Variants in F2RL2 observed in about 807,000 individuals in gnomAD.
F2RL2 encodes proteinase-activated receptor 3.
Under a neutral mutation model 4.3 loss-of-function variants are expected in F2RL2, and 4 were observed. The ratio of observed to expected loss-of-function variants is 0.93; its 90% CI spans 0.46 to 2.12. The LOEUF (loss-of-function observed/expected upper bound fraction) is 2.12, where lower values mean the gene tolerates loss of function less well. Ranked by LOEUF, F2RL2 falls within the 30% of genes most tolerant of loss-of-function variation. F2RL2 has a pLI of 0.02. For missense variants in F2RL2, 408 were observed against 449.3 expected, an observed-to-expected ratio of 0.91 and a Z score of 0.83; for synonymous variants, 166 against 170.9, an observed-to-expected ratio of 0.97 and a Z score of 0.22.
rs768705898 is a variant in F2RL2 at position 76,617,736 on chromosome 5, T to C, written c.971A>G (p.His324Arg). ...GTTGTTGTAGTAGTAGTTAGCATGG[T>C]GAATAATAAGAATAATATTGCTTGG... is the stretch of plus-strand genomic sequence containing the variant. Reference protein sequence around the residue: ...FAPSNIILIIHHANYYYNNTD... With the variant: ...FAPSNIILIIRHANYYYNNTD... The change falls in exon 2 of 2, where the codon CAC becomes CGC. Residue 324 changes from histidine (H) to arginine (R), a missense_variant. By Grantham distance (29) the His-to-Arg change is conservative. Transcript: ENST00000296641. 9 of 1,613,942 alleles carry C rather than the reference T, an allele frequency of 5.6e-6. No individual in the cohort carries two copies. Among genetic ancestry groups the C allele is most frequent in the Admixed American group, 1.7e-5 (1 of 60,012 alleles).
At position 76,616,843 on chromosome 5, in the gene F2RL2, A is replaced by G. The variant is rs1749021359; in HGVS notation, c.*739T>C. 1 of 152,164 alleles carries G rather than the reference A, an allele frequency of 6.6e-6. No individual in the cohort carries two copies. The highest frequency in any genetic ancestry group is 6.6e-5 in the Admixed American group (1 of 15,266). 9.4% of individuals were successfully genotyped at this position (152,164 alleles called of 1,614,324 possible). A position where few individuals can be genotyped will look rare whatever the true frequency, so the allele number is the denominator to read the frequency against. On this transcript the variant is annotated 3_prime_UTR_variant, in exon 2 of 2. Transcript: ENST00000296641. ...CACTTCAGCCAGGTGACGAAGCGAG[A>G]CACTGTCTCTATTAAAAAAAGGAAA...
intron 1 of F2RL2, 129 bp from the exon 2 acceptor site, chr5:76,618,771 A>G (rs1749287780): frequency 2.4e-6 from 2 of 820,220 alleles, no homozygotes; most frequent in Non-Finnish European, 3.7e-6. Context: ...GTTATTGTAG[A>G]TTAGGCAGTC....
At chr5:76,619,618 G>A (rs973908811) in intron 1 of F2RL2, among the ~76,000 whole-genome samples, 3 of 147,148 alleles carry the variant, frequency 2.0e-5, no homozygotes, top group South Asian at 2.2e-4. Context: ...CCGGGTTCAC[G>A]CCATTCTCCT....
In F2RL2 at chr5:76,618,595, T is replaced by TA. The variant is rs1451393857; in HGVS notation, c.111dup (p.Lys38Ter). 2 of 1,613,972 alleles carry TA rather than the reference T, an allele frequency of 1.2e-6. No homozygotes were observed. Among genetic ancestry groups the TA allele is most frequent in the Non-Finnish European group, 1.7e-6 (2 of 1,180,004 alleles). Reference sequence around the variant, plus strand: ...TTTGGGGGAGCTCCACGAAAGGTCTTAATGGGTAAGGTTGGCTTTGCCAAG... The same window carrying TA: ...TTTGGGGGAGCTCCACGAAAGGTCTTAAATGGGTAAGGTTGGCTTTGCCAAG... On this transcript the variant is annotated frameshift_variant, in exon 2 of 2. Transcript: ENST00000296641. LOFTEE classifies it low-confidence loss of function (END_TRUNC).
chr5:76,619,340 G>A (rs1490082303), intron 1 of F2RL2, among the ~76,000 whole-genome samples: 2 of 152,102 alleles, frequency 1.3e-5, no homozygotes, highest in African/African-American at 2.4e-5. Flanking sequence ...GAAATCATAT[G>A]TCTATTCACA....
In F2RL2 at chr5:76,617,960, G is replaced by A. The variant is rs1176256850; in HGVS notation, c.747C>T (p.His249=). ...AGGGAGATGAGGACTCGCAAGTGTT[G>A]TGAACATCATGGCAGGTGGTGATGT... ...QPDITTCHDV[H]NTCESSSPFQ... The change falls in exon 2 of 2, where the codon CAC becomes CAT. Residue 249 remains histidine, a synonymous_variant. Transcript: ENST00000296641. 3 of 1,614,038 alleles carry A rather than the reference G, an allele frequency of 1.9e-6. No individual in the cohort carries two copies. Among genetic ancestry groups the A allele is most frequent in the South Asian group, 1.1e-5 (1 of 91,088 alleles).
At position 76,623,341 on chromosome 5, in the gene F2RL2, G is replaced by A; in HGVS notation, c.-111C>T. 1 of 1,333,086 alleles carries A rather than the reference G, an allele frequency of 7.5e-7. No individual in the cohort carries two copies. The allele number at this position is 1,333,086 out of a possible 1,614,324, so 82.6% of individuals were successfully genotyped here. ...AGCAAATGGAAGCCTTGGTCTGTCTGTAGAAGTTTGCTCTCCTGTGCCGTG... is the reference window on the plus strand; with the variant it reads ...AGCAAATGGAAGCCTTGGTCTGTCTATAGAAGTTTGCTCTCCTGTGCCGTG... On this transcript the variant is annotated 5_prime_UTR_variant, in exon 1 of 2. Transcript: ENST00000296641.
At position 76,617,915 on chromosome 5, in the gene F2RL2, G is replaced by C. The variant is rs781237647; in HGVS notation, c.792C>G (p.Ile264Met). ...TTAAGAATCCAAAGAATGCCAAGGA[G>C]ATGAAGTAATAGAGTTGGAAGGGAG... is the stretch of plus-strand genomic sequence containing the variant. Reference protein sequence around the residue: ...SSSPFQLYYFISLAFFGFLIP... With the variant: ...SSSPFQLYYFMSLAFFGFLIP... The change falls in exon 2 of 2, where the codon ATC (isoleucine) becomes ATG (methionine). Residue 264 changes from isoleucine to methionine, a missense_variant. Ile to Met is a conservative substitution (Grantham distance 10). Transcript: ENST00000296641. 25 of 1,614,030 alleles carry C rather than the reference G, an allele frequency of 1.5e-5. 1 individual carries two copies. The highest frequency in any genetic ancestry group is 1.0e-4 in the Admixed American group (6 of 60,000).
intron 1 of F2RL2, among the ~76,000 whole-genome samples, chr5:76,621,471 T>C (rs1749664089): frequency 6.6e-6 from 1 of 152,234 alleles, no homozygotes. Context: ...AGTTCTTGCA[T>C]CTGACATCAC....
chr5:76,620,477 G>C (rs1749539221), intron 1 of F2RL2, among the ~76,000 whole-genome samples: 1 of 152,172 alleles, frequency 6.6e-6, no homozygotes, highest in South Asian at 2.1e-4. Flanking sequence ...GTTGGAGGGA[G>C]ACAAGGAGAC....
chr5:76,617,834 T>G lies in F2RL2; in HGVS notation c.873A>C (p.Ala291=). 1 of 1,613,966 alleles carries G rather than the reference T, an allele frequency of 6.2e-7. No homozygotes were observed. Among genetic ancestry groups the G allele is most frequent in the Non-Finnish European group, 8.5e-7 (1 of 1,179,934 alleles). The part of the protein sequence containing the change: ...CYAAIIRTLN[A]YDHRWLWYVK... ...CATACCACAACCATCTATGATCGTA[T>G]GCATTAAGTGTCCGGATGATGGCTG... The change falls in exon 2 of 2, where the codon GCA becomes GCC. Residue 291 remains alanine, a synonymous_variant. Transcript: ENST00000296641.
At chr5:76,621,606 A>C (rs1333652614) in intron 1 of F2RL2, among the ~76,000 whole-genome samples, 1 of 152,206 alleles carries the variant, frequency 6.6e-6, no homozygotes, top group East Asian at 1.9e-4. Flanking sequence ...GTTTTCAGAA[A>C]GTTTCTGGGA....
chr5:76,619,421 G>A (rs1167199798), intron 1 of F2RL2, among the ~76,000 whole-genome samples: 1 of 151,616 alleles, frequency 6.6e-6, no homozygotes, highest in Non-Finnish European at 1.5e-5. Context: ...GTAGCCCCCC[G>A]CAAAGATTCT....
chr5:76,618,022 A>C lies in F2RL2; in HGVS notation c.685T>G (p.Phe229Val). Residue 229 changes from phenylalanine (F) to valine (V), a missense_variant, in exon 2 of 2, where the codon TTC (phenylalanine) becomes GTC (valine). Coordinates refer to ENST00000296641, the MANE Select transcript of F2RL2 (RefSeq NM_004101.4). ...AGATAATATTCCTGCTTCAGTATGA[A>C]AAATGGCAGCATATATAAGAAAACT... ...ATVFLYMLPF[F>V]ILKQEYYLVQ... 1 of 1,614,210 alleles carries C rather than the reference A, an allele frequency of 6.2e-7. No homozygotes were observed. The highest frequency in any genetic ancestry group is 8.5e-7 in the Non-Finnish European group (1 of 1,180,046).
rs1367282417 is a variant in F2RL2 at position 76,616,055 on chromosome 5, A to G, written c.*1527T>C. On this transcript the variant is annotated 3_prime_UTR_variant, in exon 2 of 2. Coordinates refer to ENST00000296641, the MANE Select transcript of F2RL2 (RefSeq NM_004101.4). ...GGTGCCACAAAGACTTGGGCCTGGC[A>G]TCACCCAGAAGCTCAAGGAAGGCAG... 3 of 152,672 alleles carry G rather than the reference A, an allele frequency of 2.0e-5. No homozygotes were observed. The highest frequency in any genetic ancestry group is 1.9e-4 in the East Asian group (1 of 5,200). 9.5% of individuals were successfully genotyped at this position (152,672 alleles called of 1,614,324 possible).
chr5:76,622,338 C>T (rs1749780451), intron 1 of F2RL2, among the ~76,000 whole-genome samples: 1 of 152,190 alleles, frequency 6.6e-6, no homozygotes, highest in African/African-American at 2.4e-5. Context: ...CTAATCACCA[C>T]AGATTCTCTT....
chr5:76,621,998 C>G (rs1210563393), intron 1 of F2RL2, among the ~76,000 whole-genome samples: 6 of 152,094 alleles, frequency 3.9e-5, no homozygotes, highest in Non-Finnish European at 7.3e-5. Flanking sequence ...TTTCCATTTA[C>G]CTCTAGAGAC....
rs541873066 is a variant in F2RL2, at chr5:76,615,510, G to A, written c.*2072C>T. 1 of 152,114 alleles carries A rather than the reference G, an allele frequency of 6.6e-6. No individual in the cohort carries two copies. Among genetic ancestry groups the A allele is most frequent in the Non-Finnish European group, 1.5e-5 (1 of 68,014 alleles). 9.4% of individuals were successfully genotyped at this position (152,114 alleles called of 1,614,324 possible). A position where few individuals can be genotyped will look rare whatever the true frequency, so the allele number is the denominator to read the frequency against. ...ATTTAAAATTGTTTTTTATTGTTTT[G>A]TTGGGCAGTATGAAATATACAGTCA... On this transcript the variant is annotated 3_prime_UTR_variant, in exon 2 of 2. Transcript: ENST00000296641.
At position 76,617,446 on chromosome 5, in the gene F2RL2, A is replaced by C. The variant is rs1749089285; in HGVS notation, c.*136T>G. 1.5e-6 allele frequency: 1 copy of C among 663,804 alleles called. No homozygotes were observed. Among genetic ancestry groups the C allele is most frequent in the African/African-American group, 1.8e-5 (1 of 55,136 alleles). 41.1% of individuals were successfully genotyped at this position (663,804 alleles called of 1,614,324 possible). ...CTCAAAAACAAACAAACAAACTACT[A>C]ATGCTTTTGTAATGTTTGACCTTTG... is the stretch of plus-strand genomic sequence containing the variant. On this transcript the variant is annotated 3_prime_UTR_variant, in exon 2 of 2. Coordinates refer to ENST00000296641, the MANE Select transcript of F2RL2 (RefSeq NM_004101.4).
Sources: allele counts gnomAD v4.1 joint callset (sites outside exome capture counted in the v4.1 genomes callset), GRCh38; gene constraint gnomAD v4.1.1; transcripts MANE v1.5; gene names NCBI Gene and HGNC (gene_info 2026-07-23, HGNC 2026-07-21).